The following PSG6 variants were observed in gnomAD, a reference collection of about 807,000 sequenced individuals.
PSG6 encodes the protein pregnancy specific beta-1-glycoprotein 6.
A neutral mutation model predicts 43.3 loss-of-function variants in PSG6; 51 were observed. That is an observed-to-expected ratio of 1.18 (90% confidence interval 0.94 to 1.49). The LOEUF is 1.49. PSG6 is among the 40% of genes most tolerant of loss of function. The probability of loss-of-function intolerance (pLI) is 0.00; values close to 1 mark genes in which losing one functional copy is unlikely to be tolerated. For synonymous variants in PSG6, 292 were observed against 197.6 expected (o/e 1.48, Z -4.01); for missense variants, 770 against 522.2 (o/e 1.47, Z -4.62).
chr19:42,910,816 G>A lies in PSG6; in HGVS notation c.470C>T (p.Pro157Leu), dbSNP rs781595678. 1.9e-6 allele frequency: 3 copies of A among 1,611,868 alleles called. No individual in the cohort carries two copies. In the Admixed American group the frequency reaches 5.0e-5, roughly 27 times the overall value. Residue 157 changes from proline (P) to leucine (L), a missense_variant, in exon 3 of 6, where the codon CCC becomes CTC. Transcript: ENST00000187910. ...KPSISSSNLNPREVMEAVRLI... is the reference protein window; with the variant it reads ...KPSISSSNLNLREVMEAVRLI... ...GCGCACAGCCTCCATGACCTCCCTG[G>A]GGTTTAAGTTGCTGCTGGAGATGGA...
At chr19:42,906,504 G>C in intron 5 of PSG6, 2 of 1,240,358 alleles carry the variant, frequency 1.6e-6, no homozygotes, top group East Asian at 3.4e-5. Context: ...CTCTCATTTG[G>C]GGGAAAAGTG....
intron 5 of PSG6, among the ~76,000 whole-genome samples, chr19:42,904,785 T>C (rs545538168): frequency 6.6e-5 from 10 of 151,610 alleles, no homozygotes; most frequent in African/African-American, 2.4e-4. Context: ...AAAAGAAAAA[T>C]CTGTCCTAAA....
In PSG6 at chr19:42,907,560, A is replaced by G. The variant is rs758111461; in HGVS notation, c.985+16T>C. 3 of 1,611,298 alleles carry G rather than the reference A, an allele frequency of 1.9e-6. No homozygotes were observed. Among genetic ancestry groups the G allele is most frequent in the Non-Finnish European group, 2.5e-6 (3 of 1,178,748 alleles). ...AAGCTGGTGTCCTGGCCCACAGAGG[A>G]ACAAAGGATACTCACAGAGGACATT... On this transcript the variant is annotated intron_variant, in intron 4 of 5. Transcript: ENST00000187910.
rs745681258 is a variant in PSG6, at chr19:42,910,731, G to T, written c.555C>A (p.Asn185Lys). Residue 185 changes from asparagine (N) to lysine (K), a missense_variant, in exon 3 of 6, where the codon AAC (asparagine) becomes AAA (lysine). Asn to Lys is a moderately conservative substitution (Grantham distance 94, BLOSUM62 0). Coordinates refer to ENST00000187910, the MANE Select transcript of PSG6 (RefSeq NM_001031850.4). ...GCTGCAACCTGTGAGTCATAGGGAG[G>T]TTCTGACCATTCAGCAACCACAGGT... The part of the protein sequence containing the change: ...ASYLWLLNGQ[N>K]LPMTHRLQLS... 3.7e-6 allele frequency: 6 copies of T among 1,612,238 alleles called. No homozygotes were observed. In the African/African-American group the frequency reaches 4.0e-5, roughly 11 times the overall value.
At chr19:42,915,287 TCA>T (rs2122645616) in intron 2 of PSG6, 1 of 151,936 alleles carries the variant, frequency 6.6e-6, no homozygotes, top group East Asian at 1.9e-4. Context: ...GTTAAAGTAT[TCA>T]CAGTCAACTG....
intron 3 of PSG6, 182 bp from the exon 4 acceptor site, chr19:42,908,036 G>T (rs1251328291): frequency 1.4e-5 from 14 of 1,028,260 alleles, no homozygotes; most frequent in Non-Finnish European, 1.9e-5. Context: ...GAGGCCTCCT[G>T]CTCTGTCTTA....
intron 1 of PSG6, among the ~76,000 whole-genome samples, chr19:42,917,363 C>CTTTTT: frequency 8.1e-6 from 1 of 123,342 alleles, no homozygotes; most frequent in Non-Finnish European, 1.7e-5. Flanking sequence ...TCTTTTTATT[C>CTTTTT]TTTTTTTTTT....
Position 42,909,056 on chromosome 19 carries a change from T to G in PSG6, c.707-1202A>C, listed in dbSNP as rs142192601. On this transcript the variant is annotated intron_variant, in intron 3 of 5. Coordinates refer to ENST00000187910, the MANE Select transcript of PSG6 (RefSeq NM_001031850.4). ...AAAAAGTGTTTTGGATTTCTGATAT[T>G]TTTTGATTCTCAAATATTTGTCATA... 8.3e-3 allele frequency among the ~76,000 whole-genome samples: 1,266 copies of G among 151,846 alleles called. 42 individuals carry two copies. Among genetic ancestry groups the G allele is most frequent in the African/African-American group, 0.029 (1,219 of 41,400 alleles).
rs2122652369 is a variant in PSG6 at position 42,917,846 on chromosome 19, A to G, written c.-54T>C. The stretch of plus-strand genomic sequence containing the variant: ...GTGGAGATGAGCCTAGGATCCAGAG[A>G]CTTCCTGAGCAGGGCTGTCAGGTGT... On this transcript the variant is annotated 5_prime_UTR_variant, in exon 1 of 6. Coordinates refer to ENST00000187910, the MANE Select transcript of PSG6 (RefSeq NM_001031850.4). 6.3e-7 allele frequency: 1 copy of G among 1,584,010 alleles called. No individual in the cohort carries two copies. Among genetic ancestry groups the G allele is most frequent in the Non-Finnish European group, 8.6e-7 (1 of 1,161,652 alleles).
intron 2 of PSG6, among the ~76,000 whole-genome samples, chr19:42,911,377 AAC>A (rs1972222268): frequency 1.3e-5 from 2 of 151,638 alleles, no homozygotes; most frequent in Non-Finnish European, 2.9e-5. Context: ...CAGCAGAAAT[AAC>A]ACAGGGGAGA....
chr19:42,911,427 A>G (rs1600546028), intron 2 of PSG6, among the ~76,000 whole-genome samples: 1 of 151,370 alleles, frequency 6.6e-6, no homozygotes. Context: ...GTCATCAGGC[A>G]GTGGAGCCAC....
chr19:42,917,309 CT>C (rs1048616879), intron 1 of PSG6, among the ~76,000 whole-genome samples: 13 of 150,896 alleles, frequency 8.6e-5, no homozygotes, highest in African/African-American at 3.2e-4. Flanking sequence ...GTATTTTCCC[CT>C]ATCCAGGCTC....
At chr19:42,909,699 A>G (rs1265559445) in intron 3 of PSG6, 1 of 151,712 alleles carries the variant, frequency 6.6e-6, no homozygotes, top group Non-Finnish European at 1.5e-5. Flanking sequence ...TTCTTTCCTT[A>G]ACTTCCTTTC....
At chr19:42,904,756 T>G (rs1344639135) in intron 5 of PSG6, among the ~76,000 whole-genome samples, 1 of 151,626 alleles carries the variant, frequency 6.6e-6, no homozygotes, top group Non-Finnish European at 1.5e-5. Flanking sequence ...TATCAGAATC[T>G]CAGTGACATT....
At position 42,910,288 on chromosome 19, in the gene PSG6, C is replaced by G. The variant is rs1813154553; in HGVS notation, c.706+292G>C. On this transcript the variant is annotated intron_variant, in intron 3 of 5. Transcript: ENST00000187910. ...GTGAGCCAAGTTGCAACACTGAAGTCCCAGCCAAATCCCCGCTGTGTTCAC... is the reference window on the plus strand; with the variant it reads ...GTGAGCCAAGTTGCAACACTGAAGTGCCAGCCAAATCCCCGCTGTGTTCAC... 1.8e-5 allele frequency: 13 copies of G among 719,064 alleles called. No individual in the cohort carries two copies. The South Asian group carries it at 2.6e-4, about 14-fold the overall frequency. 44.5% of individuals were successfully genotyped at this position (719,064 alleles called of 1,614,324 possible). A position where few individuals can be genotyped will look rare whatever the true frequency, so the allele number is the denominator to read the frequency against.
chr19:42,913,873 A>AT (rs1972273695), intron 2 of PSG6, among the ~76,000 whole-genome samples: 1 of 151,314 alleles, frequency 6.6e-6, no homozygotes, highest in Admixed American at 6.6e-5. Flanking sequence ...AGCAGTACTC[A>AT]TTTTTTAGTC....
rs1972140902 is a variant in PSG6, at chr19:42,907,633, C to G, written c.928G>C (p.Glu310Gln). 1 of 1,611,734 alleles carries G rather than the reference C, an allele frequency of 6.2e-7. No homozygotes were observed. The highest frequency in any genetic ancestry group is 1.7e-5 in the Admixed American group (1 of 59,900). The part of the protein sequence containing the change: ...TRNETGPYQC[E>Q]IRDRYGGIRS... ...ATGCCACCATATCGGTCCCGTATTT[C>G]ACATTGATAGGGTCCTGTTTCATTT... The change falls in exon 4 of 6, where the codon GAA (glutamate) becomes CAA (glutamine). Residue 310 changes from glutamate (E) to glutamine (Q), a missense_variant. Physicochemically the swap from Glu to Gln is conservative, Grantham distance 29 (BLOSUM62 2). Transcript: ENST00000187910.
chr19:42,910,412 C>A, intron 3 of PSG6, 168 bp downstream of exon 3: 1 of 1,540,202 alleles, frequency 6.5e-7, no homozygotes, highest in South Asian at 1.2e-5. Flanking sequence ...TATTGTTGAT[C>A]AAGCCTAGGC....
chr19:42,907,643 G>A lies in PSG6; in HGVS notation c.918C>T (p.Pro306=), dbSNP rs767074930. The change falls in exon 4 of 6, where the codon CCC becomes CCT. Residue 306 remains proline (P), a synonymous_variant. Transcript: ENST00000187910. ...ATCGGTCCCGTATTTCACATTGATA[G>A]GGTCCTGTTTCATTTCTCGTGACAC... ...LPSVTRNETG[P]YQCEIRDRYG... 2 of 1,611,684 alleles carry A rather than the reference G, an allele frequency of 1.2e-6. No homozygotes were observed. Among genetic ancestry groups the A allele is most frequent in the Non-Finnish European group, 1.7e-6 (2 of 1,179,136 alleles).
Sources: allele counts gnomAD v4.1 joint callset (sites outside exome capture counted in the v4.1 genomes callset), GRCh38; gene constraint gnomAD v4.1.1; transcripts MANE v1.5; gene names NCBI Gene and HGNC (gene_info 2026-07-23, HGNC 2026-07-21).